The following CADM2 variants were observed in gnomAD, a reference collection of about 807,000 sequenced individuals.
CADM2 encodes cell adhesion molecule 2.
In CADM2, 12 loss-of-function variants were observed where a neutral mutation model predicts 49.8. The ratio of observed to expected loss-of-function variants is 0.24; its 90% confidence interval spans 0.15 to 0.39. CADM2 has a LOEUF of 0.39. CADM2 is among the 10% of genes least tolerant of loss of function. The probability of loss-of-function intolerance (pLI) is 1.00; values close to 1 mark genes in which losing one functional copy is unlikely to be tolerated. For missense variants in CADM2, 378 were observed against 492.3 expected, an observed-to-expected ratio of 0.77 and a Z score of 2.20; for synonymous variants, 214 against 175.4, an observed-to-expected ratio of 1.22 and a Z score of -1.74.
intron 2 of CADM2, among the ~76,000 whole-genome samples, chr3:85,784,213 C>A (rs1240208297): frequency 6.6e-6 from 1 of 152,170 alleles, no homozygotes. Flanking sequence ...TAATTCTATT[C>A]AATGCCCTTA....
Position 85,567,109 on chromosome 3 carries a change from C to T in CADM2, c.62-159413C>T, listed in dbSNP as rs552645057. Among the ~76,000 whole-genome samples the T allele has an allele frequency of 7.9e-5, 12 of 152,250 alleles. No individual in the cohort carries two copies. The South Asian group carries it at 2.1e-3, about 26-fold the overall frequency. On this transcript the variant is annotated intron_variant, in intron 1 of 9. Transcript: ENST00000383699. ...GCTTCAATTTCTGTATTGTATCCTG[C>T]AGTTAATGACTATTTCACAGGCCAG...
At chr3:85,336,169 C>T (rs879787871) in intron 1 of CADM2, among the ~76,000 whole-genome samples, 23 of 151,420 alleles carry the variant, frequency 1.5e-4, no homozygotes, top group Admixed American at 1.5e-3. Context: ...ATTGTTACTG[C>T]CCTGCCTTAT....
intron 1 of CADM2, among the ~76,000 whole-genome samples, chr3:85,189,673 A>C (rs1170808974): frequency 6.6e-6 from 1 of 152,214 alleles, no homozygotes; most frequent in Non-Finnish European, 1.5e-5. Flanking sequence ...TTAAACAATT[A>C]ACTTTTCTTA....
chr3:85,938,779 C>G (rs760884044), intron 7 of CADM2, among the ~76,000 whole-genome samples: 17 of 151,792 alleles, frequency 1.1e-4, no homozygotes, highest in Non-Finnish European at 2.1e-4. Context: ...CTAAGTATAG[C>G]TTAGTATAAG....
chr3:85,249,493 G>T (rs983286433), intron 1 of CADM2, among the ~76,000 whole-genome samples: 2 of 151,812 alleles, frequency 1.3e-5, no homozygotes, highest in African/African-American at 4.8e-5. Context: ...CACAGACTAT[G>T]TGATGGCTTC....
intron 2 of CADM2, among the ~76,000 whole-genome samples, chr3:85,782,828 T>C (rs2070740623): frequency 6.6e-6 from 1 of 151,978 alleles, no homozygotes; most frequent in South Asian, 2.1e-4. Context: ...CTTAGAAAAG[T>C]GATAGCCACT....
intron 7 of CADM2, among the ~76,000 whole-genome samples, chr3:85,952,146 TAACAA>T: frequency 6.6e-6 from 1 of 151,008 alleles, no homozygotes; most frequent in East Asian, 2.0e-4. Context: ...GAGGTGGAGC[TAACAA>T]AATAATTATT....
intron 8 of CADM2, among the ~76,000 whole-genome samples, chr3:86,059,604 G>T (rs1418248284): frequency 6.6e-6 from 1 of 152,148 alleles, no homozygotes; most frequent in East Asian, 1.9e-4. Context: ...AATGAAAAAT[G>T]ATCTTTAACA....
intron 1 of CADM2, among the ~76,000 whole-genome samples, chr3:85,257,226 C>T (rs2042907368): frequency 6.6e-6 from 1 of 152,026 alleles, no homozygotes; most frequent in African/African-American, 2.4e-5. Flanking sequence ...ATTTCTGACC[C>T]CAAGTATATG....
intron 8 of CADM2, among the ~76,000 whole-genome samples, chr3:86,057,961 T>G (rs796879772): frequency 1.6e-4 from 24 of 152,320 alleles, no homozygotes; most frequent in African/African-American, 5.5e-4. Context: ...ATTTTAAAGC[T>G]TTTCCAAGAT....
chr3:85,412,701 A>C (rs1378742963), intron 1 of CADM2, among the ~76,000 whole-genome samples: 1 of 152,162 alleles, frequency 6.6e-6, no homozygotes, highest in Non-Finnish European at 1.5e-5. Flanking sequence ...ATAAAACAAA[A>C]AGAATAATGC....
At chr3:85,697,039 A>G (rs977334300) in intron 1 of CADM2, among the ~76,000 whole-genome samples, 2 of 149,514 alleles carry the variant, frequency 1.3e-5, no homozygotes, top group Non-Finnish European at 3.0e-5. Flanking sequence ...AGAGCTTCAT[A>G]TTGCCATAGC....
intron 1 of CADM2, among the ~76,000 whole-genome samples, chr3:85,508,317 A>G (rs2040448514): frequency 1.3e-5 from 2 of 152,208 alleles, no homozygotes; most frequent in African/African-American, 2.4e-5. Context: ...TCAGCAAACT[A>G]TGACTCTTTG....
chr3:85,782,938 A>G (rs1018551151), intron 2 of CADM2, among the ~76,000 whole-genome samples: 1 of 152,148 alleles, frequency 6.6e-6, no homozygotes, highest in Non-Finnish European at 1.5e-5. Flanking sequence ...AGTACATTTA[A>G]AACTCAACTC....
chr3:85,177,833 T>C (rs919459417), intron 1 of CADM2, among the ~76,000 whole-genome samples: 5 of 151,966 alleles, frequency 3.3e-5, no homozygotes, highest in African/African-American at 9.7e-5. Flanking sequence ...AAGCCGTAGT[T>C]GTCACATGAA....
At chr3:85,948,447 A>G (rs1481502657) in intron 7 of CADM2, among the ~76,000 whole-genome samples, 2 of 151,446 alleles carry the variant, frequency 1.3e-5, no homozygotes, top group Admixed American at 1.3e-4. Context: ...TATCTTGACT[A>G]TCATTTCTGC....
chr3:85,786,152 A>G (rs939820016), intron 2 of CADM2, among the ~76,000 whole-genome samples: 1 of 152,130 alleles, frequency 6.6e-6, no homozygotes, highest in African/African-American at 2.4e-5. Flanking sequence ...AATTTAAATA[A>G]TTAAAGATTT....
rs181874433 is a variant in CADM2 at position 85,821,897 on chromosome 3, G to A, written c.238+19701G>A. The stretch of plus-strand genomic sequence containing the variant: ...TATAACATAAAAAATAAAAATGTAT[G>A]TATTTGTTGAGTGTGGATATATTGG... On this transcript the variant is annotated intron_variant, in intron 3 of 9. Transcript: ENST00000383699. Among the ~76,000 whole-genome samples, 19 of 152,190 alleles carry A rather than the reference G, an allele frequency of 1.2e-4. No homozygotes were observed. In the East Asian group the frequency reaches 3.7e-3, roughly 29 times the overall value.
intron 1 of CADM2, among the ~76,000 whole-genome samples, chr3:85,620,014 T>C (rs2063924044): frequency 6.6e-6 from 1 of 152,182 alleles, no homozygotes; most frequent in Non-Finnish European, 1.5e-5. Flanking sequence ...AAAGTGATAG[T>C]TATGCTCAAA....
Sources: gnomAD v4.1 joint callset for allele counts (sites outside exome capture counted in the v4.1 genomes callset) on GRCh38, gnomAD v4.1.1 for gene constraint, MANE v1.5 for transcripts, NCBI Gene and HGNC (gene_info 2026-07-23, HGNC 2026-07-21) for gene names.